The following PTPN21 variants were observed in gnomAD, a reference collection of about 807,000 sequenced individuals.
PTPN21 encodes the protein tyrosine-protein phosphatase non-receptor type 21.
A neutral mutation model predicts 131.8 loss-of-function variants in PTPN21; 77 were observed. That is an observed-to-expected ratio of 0.58 (90% CI 0.49 to 0.71). The LOEUF is 0.71. Among genes scored for constraint, PTPN21 ranks in the 30% least tolerant of loss-of-function variants. The pLI, the probability that PTPN21 is intolerant of heterozygous loss-of-function variation, is 0.00. For synonymous variants in PTPN21, 715 were observed against 621.3 expected, an observed-to-expected ratio of 1.15 and a Z score of -2.24; for missense variants, 1,552 against 1,527.1, an observed-to-expected ratio of 1.02 and a Z score of -0.27.
rs1216065156 is a variant in PTPN21 at position 88,518,374 on chromosome 14, ATGTG to A, written c.181-1117_181-1114del. ...TATATATACATACACGTGTGTGTGTATGTGTGTGTGTGTATATATATATATATAT... is the reference window on the plus strand; with the variant it reads ...TATATATACATACACGTGTGTGTGTATGTGTGTGTATATATATATATATAT... On this transcript the variant is annotated intron_variant, in intron 2 of 18. Transcript: ENST00000556564. Among the ~76,000 whole-genome samples the A allele has an allele frequency of 1.0e-3, 36 of 34,716 alleles. 1 individual carries two copies. Among genetic ancestry groups the A allele is most frequent in the African/African-American group, 4.1e-3 (36 of 8,690 alleles). The allele number at this position is 34,716 out of a possible 152,430, so 22.8% of individuals were successfully genotyped here.
rs1187343098 is a variant in PTPN21, at chr14:88,467,887, G to A, written c.*250C>T. On this transcript the variant is annotated 3_prime_UTR_variant, in exon 19 of 19. Transcript: ENST00000556564. ...AAAATGTGTGCAAGTACTGCAAACC[G>A]GACAGACCGGGGCAGGGCAAGGCCC... The A allele has an allele frequency of 1.7e-5, 9 of 528,322 alleles. No individual in the cohort carries two copies. Among genetic ancestry groups the A allele is most frequent in the Admixed American group, 7.1e-5 (2 of 28,318 alleles). 32.7% of individuals were successfully genotyped at this position (528,322 alleles called of 1,614,324 possible).
Position 88,466,868 on chromosome 14 carries a change from T to C in PTPN21, c.*1269A>G, listed in dbSNP as rs918166956. 3.3e-5 allele frequency: 5 copies of C among 152,222 alleles called. No homozygotes were observed. Among genetic ancestry groups the C allele is most frequent in the African/African-American group, 1.2e-4 (5 of 41,464 alleles). The allele number at this position is 152,222 out of a possible 1,614,324, so 9.4% of individuals were successfully genotyped here. A position where few individuals can be genotyped will look rare whatever the true frequency, so the allele number is the denominator to read the frequency against. On this transcript the variant is annotated 3_prime_UTR_variant, in exon 19 of 19. Coordinates refer to ENST00000556564, the MANE Select transcript of PTPN21 (RefSeq NM_007039.4). ...TTGGGAGAAGAGGTGAAAACTATTATTAACTATTCCCTTCCTTCAACCAAA... is the reference window on the plus strand; with the variant it reads ...TTGGGAGAAGAGGTGAAAACTATTACTAACTATTCCCTTCCTTCAACCAAA...
At chr14:88,549,393 G>C (rs1049824798) in intron 2 of PTPN21, among the ~76,000 whole-genome samples, 1 of 152,188 alleles carries the variant, frequency 6.6e-6, no homozygotes, top group Non-Finnish European at 1.5e-5. Context: ...GATTACCTTA[G>C]AGGGGGAATA....
intron 8 of PTPN21, 51 bp downstream of exon 8, chr14:88,500,731 GT>G (rs1358242237): frequency 8.0e-7 from 1 of 1,249,412 alleles, no homozygotes; most frequent in African/African-American, 1.5e-5. Context: ...ACTAAAAAAT[GT>G]ATCACCAACA....
chr14:88,546,916 T>C (rs1420903455), intron 2 of PTPN21, among the ~76,000 whole-genome samples: 2 of 152,216 alleles, frequency 1.3e-5, no homozygotes, highest in African/African-American at 2.4e-5. Flanking sequence ...AGAAAAAGTT[T>C]GCTATACAAA....
intron 13 of PTPN21, among the ~76,000 whole-genome samples, chr14:88,478,699 TATAATAATTATCTCCAGTAA>T (rs1266309369): frequency 1.3e-5 from 2 of 152,230 alleles, no homozygotes; most frequent in Non-Finnish European, 2.9e-5. Context: ...TCACTTCATC[TATAATAATTATCTCCAGTAA>T]AACCACTAAA....
intron 10 of PTPN21, chr14:88,493,059 T>C (rs1428706451): frequency 4.4e-6 from 2 of 456,512 alleles, no homozygotes; most frequent in South Asian, 1.6e-5. Context: ...GTCTTGCTGC[T>C]CCACTTACTA....
intron 8 of PTPN21, among the ~76,000 whole-genome samples, chr14:88,500,427 C>T (rs968105999): frequency 6.6e-6 from 1 of 152,112 alleles, no homozygotes; most frequent in East Asian, 1.9e-4. Flanking sequence ...GAGACCTTGC[C>T]TCACAATAAA....
chr14:88,473,146 T>C (rs1264989455), intron 14 of PTPN21, among the ~76,000 whole-genome samples: 1 of 152,096 alleles, frequency 6.6e-6, no homozygotes, highest in African/African-American at 2.4e-5. Context: ...TCATACGATA[T>C]ATAAAAGACT....
intron 2 of PTPN21, among the ~76,000 whole-genome samples, chr14:88,533,348 T>C (rs2078580190): frequency 6.6e-6 from 1 of 152,196 alleles, no homozygotes; most frequent in African/African-American, 2.4e-5. Flanking sequence ...CCCCTAAGAC[T>C]GTAACAGCTG....
intron 15 of PTPN21, 176 bp from the exon 16 acceptor site, chr14:88,470,226 A>G (rs2077439385): frequency 1.6e-6 from 1 of 626,684 alleles, no homozygotes; most frequent in African/African-American, 1.8e-5. Context: ...CCTTGTGAAT[A>G]CAATTTGCAT....
At chr14:88,546,875 T>C (rs2078789882) in intron 2 of PTPN21, among the ~76,000 whole-genome samples, 1 of 152,212 alleles carries the variant, frequency 6.6e-6, no homozygotes, top group African/African-American at 2.4e-5. Context: ...TCTGTTTATA[T>C]GCTACAGAGC....
intron 12 of PTPN21, among the ~76,000 whole-genome samples, chr14:88,481,091 C>T (rs974754272): frequency 1.3e-5 from 2 of 152,204 alleles, no homozygotes; most frequent in African/African-American, 4.8e-5. Context: ...CTCACCTGCC[C>T]TCTGTTACTG....
rs982819404 is a variant in PTPN21, at chr14:88,511,852, A to C, written c.351-3832T>G. On this transcript the variant is annotated intron_variant, in intron 3 of 18. Coordinates refer to ENST00000556564, the MANE Select transcript of PTPN21 (RefSeq NM_007039.4). ...TAAATCTTTATGAAGTTACTGATCA[A>C]CTTTCCAATATAAAATATTTCATAC... is the stretch of plus-strand genomic sequence containing the variant. Among the ~76,000 whole-genome samples, 9 of 152,306 alleles carry C rather than the reference A, an allele frequency of 5.9e-5. No homozygotes were observed. In the South Asian group the frequency reaches 8.3e-4, roughly 14 times the overall value.
At chr14:88,553,475 T>G (rs566925921) in intron 1 of PTPN21, among the ~76,000 whole-genome samples, 1 of 152,206 alleles carries the variant, frequency 6.6e-6, no homozygotes, top group Non-Finnish European at 1.5e-5. Context: ...CCAAGATGAG[T>G]AGAAATTTAA....
chr14:88,504,290 A>C (rs1301657881), intron 6 of PTPN21, 135 bp downstream of exon 6: 1 of 681,574 alleles, frequency 1.5e-6, no homozygotes, highest in Non-Finnish European at 2.5e-6. Flanking sequence ...TACTTGTAAT[A>C]GTAGTGGCAG....
intron 8 of PTPN21, 152 bp from the exon 9 acceptor site, chr14:88,497,442 T>C (rs984295115): frequency 9.5e-6 from 6 of 632,258 alleles, no homozygotes; most frequent in Admixed American, 2.9e-5. Flanking sequence ...GAGACCAGCC[T>C]GGCCAACATG....
intron 3 of PTPN21, 30 bp from the exon 4 acceptor site, chr14:88,508,050 A>G (rs1450498121): frequency 1.6e-6 from 2 of 1,237,548 alleles, no homozygotes; most frequent in East Asian, 2.4e-5. Flanking sequence ...TATAAGGTCA[A>G]TGTCAATATT....
At chr14:88,526,670 A>G (rs1322749922) in intron 2 of PTPN21, among the ~76,000 whole-genome samples, 2 of 151,592 alleles carry the variant, frequency 1.3e-5, no homozygotes, top group African/African-American at 4.9e-5. Flanking sequence ...TATTTTTATT[A>G]CAATAATTTT....
Sources: allele counts gnomAD v4.1 joint callset (sites outside exome capture counted in the v4.1 genomes callset), GRCh38; gene constraint gnomAD v4.1.1; transcripts MANE v1.5; gene names NCBI Gene and HGNC (gene_info 2026-07-23, HGNC 2026-07-21).